Variants in KCNQ1 observed in about 807,000 individuals in gnomAD.
The protein encoded by KCNQ1 is potassium voltage-gated channel subfamily Q member 1.
A neutral mutation model predicts 72.4 loss-of-function variants in KCNQ1; 49 were observed. The ratio of observed to expected loss-of-function variants is 0.68; its 90% CI spans 0.54 to 0.86. KCNQ1 has a LOEUF of 0.86. Ranked by LOEUF, KCNQ1 falls within the 40% of genes least tolerant of loss-of-function variation. KCNQ1 has a pLI of 0.00. For missense variants in KCNQ1, 790 were observed against 945.1 expected (o/e 0.84, Z 2.15); for synonymous variants, 450 against 412.6 (o/e 1.09, Z -1.10).
intron 10 of KCNQ1, chr11:2,655,952 G>A: frequency 7.5e-6 from 3 of 398,700 alleles, no homozygotes; most frequent in Non-Finnish European, 1.3e-5. Context: ...TCTCTGGCAG[G>A]TGCAGGTCCC....
In KCNQ1 at chr11:2,614,636, C is replaced by G. The variant is rs1589982369; in HGVS notation, c.1393+25782C>G. Reference sequence around the variant, plus strand: ...CCCAGCACCATTTGTTAAAAGACTACTCTTCCCACTGAATTCTTGATACAT... The same window carrying G: ...CCCAGCACCATTTGTTAAAAGACTAGTCTTCCCACTGAATTCTTGATACAT... On this transcript the variant is annotated intron_variant, in intron 10 of 15. Coordinates refer to ENST00000155840, the MANE Select transcript of KCNQ1 (RefSeq NM_000218.3). The G allele has an allele frequency of 1.8e-5, 7 of 398,466 alleles. No homozygotes were observed. The East Asian group carries it at 2.5e-4, about 14-fold the overall frequency. 24.7% of individuals were successfully genotyped at this position (398,466 alleles called of 1,614,324 possible). A position where few individuals can be genotyped will look rare whatever the true frequency, so the allele number is the denominator to read the frequency against.
At position 2,563,586 on chromosome 11, in the gene KCNQ1, C is replaced by T. The variant is rs1848205340; in HGVS notation, c.478-7042C>T. Among the ~76,000 whole-genome samples the T allele has an allele frequency of 6.6e-6, 1 of 152,194 alleles. No individual in the cohort carries two copies. The highest frequency in any genetic ancestry group is 1.5e-5 in the Non-Finnish European group (1 of 68,022). On this transcript the variant is annotated intron_variant, in intron 2 of 15. Transcript: ENST00000155840. The surrounding 1 kb of genome is among the most constrained non-coding windows in gnomAD (Gnocchi z 7.4). ...GTTGAGGGTCCCAGGGTCTGTCTGC[C>T]TAATGACAAGATTTCAGTACCAATA...
rs988507134 is a variant in KCNQ1 at position 2,664,464 on chromosome 11, G to A, written c.1514+2383G>A. 2.5e-6 allele frequency: 1 copy of A among 398,608 alleles called. No homozygotes were observed. Among genetic ancestry groups the A allele is most frequent in the East Asian group, 3.6e-5 (1 of 28,082 alleles). 24.7% of individuals were successfully genotyped at this position (398,608 alleles called of 1,614,324 possible). A position where few individuals can be genotyped will look rare whatever the true frequency, so the allele number is the denominator to read the frequency against. ...GCTCCTCTGGGATACAGGCTGGGTA[G>A]AGGCCCCACTCCATCTGGGGGAGAA... On this transcript the variant is annotated intron_variant, in intron 11 of 15. Coordinates refer to ENST00000155840, the MANE Select transcript of KCNQ1 (RefSeq NM_000218.3). This position sits in a 1 kb window ranked among gnomAD's most constrained non-coding sequence, Gnocchi z 5.1.
intron 2 of KCNQ1, among the ~76,000 whole-genome samples, chr11:2,570,237 G>A (rs535601720): frequency 1.3e-3 from 203 of 152,128 alleles, no homozygotes; most frequent in Non-Finnish European, 2.2e-3. Flanking sequence ...GGCCCAAGCT[G>A]GAGTTCCTGG....
intron 5 of KCNQ1, 147 bp downstream of exon 5, chr11:2,572,256 G>T: frequency 1.6e-6 from 1 of 632,874 alleles, no homozygotes; most frequent in South Asian, 1.9e-5. Context: ...CGGGGCCCAG[G>T]ATCTCAGAGC....
intron 6 of KCNQ1, among the ~76,000 whole-genome samples, chr11:2,580,071 G>A (rs914614253): frequency 5.9e-5 from 9 of 152,208 alleles, no homozygotes; most frequent in African/African-American, 1.9e-4. Flanking sequence ...ATTTAATGTT[G>A]TTATTAGAAC....
chr11:2,640,050 T>C (rs555748568), intron 10 of KCNQ1: 13 of 184,684 alleles, frequency 7.0e-5, no homozygotes, highest in Admixed American at 2.5e-4. Context: ...GCTAAGACCA[T>C]TGGAAAAGCA....
In KCNQ1 at chr11:2,670,174, G is replaced by A; in HGVS notation, c.1514+8093G>A. On this transcript the variant is annotated intron_variant, in intron 11 of 15. Coordinates refer to ENST00000155840, the MANE Select transcript of KCNQ1 (RefSeq NM_000218.3). This position sits in a 1 kb window ranked among gnomAD's most constrained non-coding sequence, Gnocchi z 4.9. Reference sequence around the variant, plus strand: ...CTGTCGGGCCCATCTGCCAAGGCAAGCACCCACATTAAAGCAGAGTGAAGA... The same window carrying A: ...CTGTCGGGCCCATCTGCCAAGGCAAACACCCACATTAAAGCAGAGTGAAGA... 2.5e-6 allele frequency: 1 copy of A among 398,658 alleles called. No individual in the cohort carries two copies. Among genetic ancestry groups the A allele is most frequent in the Non-Finnish European group, 4.4e-6 (1 of 226,102 alleles). The allele number at this position is 398,658 out of a possible 1,614,324, so 24.7% of individuals were successfully genotyped here.
chr11:2,778,508 G>A (rs1846755505), intron 15 of KCNQ1, among the ~76,000 whole-genome samples: 1 of 152,198 alleles, frequency 6.6e-6, no homozygotes, highest in Admixed American at 6.5e-5. Flanking sequence ...TTCATGGGAA[G>A]AGAGGCATCT....
At chr11:2,686,304 C>T (rs1021567700) in intron 11 of KCNQ1, 1 of 398,648 alleles carries the variant, frequency 2.5e-6, no homozygotes, top group African/African-American at 2.1e-5. Flanking sequence ...CCACAGACCA[C>T]ACTAGTGTCA....
chr11:2,591,175 C>T (rs922254460), intron 10 of KCNQ1, among the ~76,000 whole-genome samples: 26 of 152,242 alleles, frequency 1.7e-4, no homozygotes, highest in Admixed American at 3.9e-4. Flanking sequence ...CCTTTGTGCT[C>T]GCAGGCACCA....
At chr11:2,449,520 C>T (rs7110663) in intron 1 of KCNQ1, among the ~76,000 whole-genome samples, 30,648 of 152,046 alleles carry the variant, frequency 0.2, 3,903 homozygotes, top group South Asian at 0.38. Flanking sequence ...GGAGCTGGCA[C>T]GTCAGCTGCT....
At chr11:2,761,039 G>A (rs550159058) in intron 11 of KCNQ1, among the ~76,000 whole-genome samples, 13 of 152,374 alleles carry the variant, frequency 8.5e-5, no homozygotes, top group African/African-American at 2.9e-4. Context: ...TCTGTATCCC[G>A]AGGTTCTTGC....
intron 12 of KCNQ1, among the ~76,000 whole-genome samples, chr11:2,774,806 A>G (rs905406656): frequency 6.6e-6 from 1 of 152,104 alleles, no homozygotes; most frequent in Non-Finnish European, 1.5e-5. Flanking sequence ...GACCCCAAAG[A>G]GAGGTAGCAG....
At chr11:2,584,236 ATC>A (rs1286580717) in intron 7 of KCNQ1, among the ~76,000 whole-genome samples, 1 of 149,272 alleles carries the variant, frequency 6.7e-6, no homozygotes, top group East Asian at 2.0e-4. Flanking sequence ...GTATTTATGT[ATC>A]TGTGTCACAG....
chr11:2,539,072 G>A (rs767771907), intron 2 of KCNQ1, among the ~76,000 whole-genome samples: 11 of 152,164 alleles, frequency 7.2e-5, no homozygotes, highest in African/African-American at 1.4e-4. Flanking sequence ...ATGGTGCTCC[G>A]GCCAGGGGTG....
At chr11:2,812,766 C>A (rs1353137294) in intron 15 of KCNQ1, among the ~76,000 whole-genome samples, 1 of 152,198 alleles carries the variant, frequency 6.6e-6, no homozygotes, top group Non-Finnish European at 1.5e-5. Flanking sequence ...CGAGGCCCCA[C>A]GCCCCCGGGG....
In KCNQ1 at chr11:2,783,300, G is replaced by A. The variant is rs1362491125; in HGVS notation, c.1794+5263G>A. Among the ~76,000 whole-genome samples, 1 of 152,076 alleles carries A rather than the reference G, an allele frequency of 6.6e-6. No homozygotes were observed. Among genetic ancestry groups the A allele is most frequent in the Non-Finnish European group, 1.5e-5 (1 of 67,958 alleles). On this transcript the variant is annotated intron_variant, in intron 15 of 15. Coordinates refer to ENST00000155840, the MANE Select transcript of KCNQ1 (RefSeq NM_000218.3). The surrounding 1 kb of genome is among the most constrained non-coding windows in gnomAD (Gnocchi z 5.2). The stretch of plus-strand genomic sequence containing the variant: ...AGCTTTCTCATAATGTTGCCCTCTT[G>A]TCAGAGAAAGCAATCCATATGATAT...
At chr11:2,502,527 G>GA (rs1302745089) in intron 1 of KCNQ1, among the ~76,000 whole-genome samples, 4 of 152,118 alleles carry the variant, frequency 2.6e-5, no homozygotes, top group African/African-American at 9.7e-5. Flanking sequence ...ACTGATGCAA[G>GA]AAATTGAAGA....
Sources: gnomAD v4.1 joint callset for allele counts (sites outside exome capture counted in the v4.1 genomes callset) on GRCh38, gnomAD v4.1.1 for gene constraint, Gnocchi (gnomAD v3.1) non-coding constraint, MANE v1.5 for transcripts, NCBI Gene and HGNC (gene_info 2026-07-23, HGNC 2026-07-21) for gene names.